The following DOCK8 variants were observed in gnomAD, a reference collection of about 807,000 sequenced individuals.
DOCK8 encodes dedicator of cytokinesis 8.
DOCK8 carries 141 observed loss-of-function variants against 245.6 expected under a neutral mutation model. The observed-to-expected ratio is 0.57, with a 90% CI of 0.50 to 0.66. DOCK8 has a LOEUF of 0.66. Among genes scored for constraint, DOCK8 ranks in the 30% least tolerant of loss-of-function variants. The pLI is 0.00. For missense variants in DOCK8, 2,965 were observed against 2,603.4 expected (o/e 1.14, Z -3.02); for synonymous variants, 1,168 against 970.2 (o/e 1.20, Z -3.79).
chr9:245,997 A>G (rs570372505), intron 1 of DOCK8, among the ~76,000 whole-genome samples: 12 of 152,256 alleles, frequency 7.9e-5, no homozygotes, highest in African/African-American at 2.9e-4. Context: ...AGGAGGGTGG[A>G]TTGCCTGAGC....
At chr9:421,771 AG>A (rs2056289578) in intron 32 of DOCK8, among the ~76,000 whole-genome samples, 2 of 152,296 alleles carry the variant, frequency 1.3e-5, no homozygotes, top group South Asian at 4.2e-4. Context: ...TAATTCAGTA[AG>A]CCCCCAGAGT....
At chr9:236,548 C>G (rs1007223019) in intron 1 of DOCK8, among the ~76,000 whole-genome samples, 1 of 152,168 alleles carries the variant, frequency 6.6e-6, no homozygotes, top group Non-Finnish European at 1.5e-5. Context: ...ACTATGGCAT[C>G]ATAGCACCTC....
chr9:335,806 G>C (rs1012672660), intron 11 of DOCK8, among the ~76,000 whole-genome samples: 1 of 152,130 alleles, frequency 6.6e-6, no homozygotes, highest in Non-Finnish European at 1.5e-5. Flanking sequence ...GGCAAGTTTA[G>C]GTGGGTAGAG....
At chr9:428,707 T>C (rs546123280) in intron 35 of DOCK8, among the ~76,000 whole-genome samples, 1 of 152,282 alleles carries the variant, frequency 6.6e-6, no homozygotes, top group Non-Finnish European at 1.5e-5. Context: ...ATATTTGAAG[T>C]GTGGACCTAA....
intron 14 of DOCK8, among the ~76,000 whole-genome samples, chr9:345,820 C>T (rs915959950): frequency 6.6e-6 from 1 of 152,162 alleles, no homozygotes; most frequent in African/African-American, 2.4e-5. Context: ...TGCCCCGTGT[C>T]TCTACCTTAT....
chr9:277,870 A>G (rs888212902), intron 2 of DOCK8, among the ~76,000 whole-genome samples: 1 of 152,154 alleles, frequency 6.6e-6, no homozygotes, highest in Non-Finnish European at 1.5e-5. Flanking sequence ...GAAGGCATTT[A>G]TTTTTGTTAT....
intron 23 of DOCK8, among the ~76,000 whole-genome samples, chr9:387,281 A>G (rs1287610280): frequency 1.3e-5 from 2 of 152,078 alleles, no homozygotes; most frequent in Non-Finnish European, 2.9e-5. Flanking sequence ...CCCTCCTACT[A>G]AAGATACAAA....
At chr9:311,217 G>A (rs567693020) in intron 5 of DOCK8, among the ~76,000 whole-genome samples, 18 of 151,918 alleles carry the variant, frequency 1.2e-4, no homozygotes, top group African/African-American at 1.9e-4. Context: ...CCTGGGAGGC[G>A]GAGGTTGCAG....
chr9:441,429 G>A lies in DOCK8; in HGVS notation c.5355+12G>A, dbSNP rs2057090879. On this transcript the variant is annotated intron_variant, in intron 41 of 47. Coordinates refer to ENST00000432829, the MANE Select transcript of DOCK8 (RefSeq NM_203447.4). ...GCATCGTTAACAAGGTAGCCGGGGAGCCTGGCTGGCAGGTCTTGTTACCTG... is the reference window on the plus strand; with the variant it reads ...GCATCGTTAACAAGGTAGCCGGGGAACCTGGCTGGCAGGTCTTGTTACCTG... 3 of 1,614,004 alleles carry A rather than the reference G, an allele frequency of 1.9e-6. No individual in the cohort carries two copies. Among genetic ancestry groups the A allele is most frequent in the Admixed American group, 1.7e-5 (1 of 60,010 alleles).
intron 26 of DOCK8, among the ~76,000 whole-genome samples, chr9:403,945 T>TAC (rs1564021505): frequency 2.3e-5 from 2 of 85,250 alleles, no homozygotes; most frequent in African/African-American, 1.6e-4. Flanking sequence ...TATATATATG[T>TAC]GTATATATAT....
intron 1 of DOCK8, among the ~76,000 whole-genome samples, chr9:263,310 TACA>T (rs1399232446): frequency 1.3e-5 from 2 of 152,196 alleles, no homozygotes; most frequent in Non-Finnish European, 1.5e-5. Flanking sequence ...CTATAGTCAT[TACA>T]ACAATACATG....
intron 25 of DOCK8, among the ~76,000 whole-genome samples, chr9:398,557 T>C (rs988417156): frequency 6.6e-6 from 1 of 152,194 alleles, no homozygotes; most frequent in Admixed American, 6.5e-5. Flanking sequence ...ATTAAAAATT[T>C]TAAAAATAGG....
At chr9:396,646 G>T (rs1443469419) in intron 24 of DOCK8, 139 bp from the exon 25 acceptor site, 2 of 1,191,982 alleles carry the variant, frequency 1.7e-6, no homozygotes, top group Admixed American at 3.6e-5. Flanking sequence ...TCCAGAGCTT[G>T]CTCGGGCACC....
intron 6 of DOCK8, among the ~76,000 whole-genome samples, chr9:316,187 G>T (rs555728502): frequency 1.1e-4 from 16 of 152,306 alleles, no homozygotes; most frequent in Admixed American, 9.2e-4. Context: ...AAGCTCCCAG[G>T]AAAAGACAGT....
chr9:333,655 C>T (rs1430087374), intron 10 of DOCK8, among the ~76,000 whole-genome samples: 1 of 150,798 alleles, frequency 6.6e-6, no homozygotes, highest in Non-Finnish European at 1.5e-5. Flanking sequence ...TAGTATTGTA[C>T]TCTACAGACT....
chr9:443,105 G>A (rs1223275443), intron 42 of DOCK8, among the ~76,000 whole-genome samples: 2 of 152,186 alleles, frequency 1.3e-5, no homozygotes, highest in Non-Finnish European at 2.9e-5. Context: ...TGGGAAGGCT[G>A]GTGACTTCCA....
At chr9:273,096 C>T (rs1458971617) in intron 2 of DOCK8, 7 of 985,268 alleles carry the variant, frequency 7.1e-6, no homozygotes, top group Non-Finnish European at 1.2e-6. Context: ...GTGAATCTTT[C>T]AAAGGTATGT....
At chr9:408,574 A>G (rs2055548291) in intron 28 of DOCK8, among the ~76,000 whole-genome samples, 1 of 152,246 alleles carries the variant, frequency 6.6e-6, no homozygotes, top group South Asian at 2.1e-4. Flanking sequence ...TAAGTAAGAT[A>G]CTGAGAAGAA....
chr9:290,097 G>T (rs980103857), intron 4 of DOCK8, among the ~76,000 whole-genome samples: 1 of 151,956 alleles, frequency 6.6e-6, no homozygotes, highest in African/African-American at 2.4e-5. Flanking sequence ...TCATTGCATG[G>T]CTGTACCATT....
Sources: gnomAD v4.1 joint callset for allele counts (sites outside exome capture counted in the v4.1 genomes callset) on GRCh38, gnomAD v4.1.1 for gene constraint, MANE v1.5 for transcripts, NCBI Gene and HGNC (gene_info 2026-07-23, HGNC 2026-07-21) for gene names.